Variants in TMEM131 observed in about 807,000 individuals in gnomAD.
The protein encoded by TMEM131 is 2610524E03Rik.
In TMEM131, 66 loss-of-function variants were observed where a neutral mutation model predicts 211.6. That is an observed-to-expected ratio of 0.31 (90% CI 0.26 to 0.38). The LOEUF (loss-of-function observed/expected upper bound fraction) is 0.38, where lower values mean the gene tolerates loss of function less well. Among genes scored for constraint, TMEM131 ranks in the 10% least tolerant of loss-of-function variants. The pLI is 1.00. For missense variants in TMEM131, 2,036 were observed against 2,299.3 expected, an observed-to-expected ratio of 0.89 and a Z score of 2.34; for synonymous variants, 844 against 841.3, an observed-to-expected ratio of 1.00 and a Z score of -0.06.
At chr2:97,841,625 CCAAAATTCAGACTGCT>C (rs1559394458) in intron 7 of TMEM131, among the ~76,000 whole-genome samples, 174 bp downstream of exon 7, 1 of 11,950 alleles carries the variant, frequency 8.4e-5, no homozygotes, top group Admixed American at 3.8e-4. Context: ...CTGCTGTATT[CCAAAATTCAGACTGCT>C]GTATTCCAAA....
chr2:97,925,180 AT>A (rs955114453), intron 2 of TMEM131, among the ~76,000 whole-genome samples: 2 of 151,936 alleles, frequency 1.3e-5, no homozygotes, highest in African/African-American at 2.4e-5. Context: ...CCCTGCCTCT[AT>A]TTTTTTTAAA....
intron 3 of TMEM131, chr2:97,907,024 T>C (rs1259198380): frequency 6.6e-6 from 1 of 152,160 alleles, no homozygotes. Context: ...TCTTCGTAAA[T>C]GTAGTGCAGT....
At chr2:97,920,400 T>C (rs754989707) in intron 2 of TMEM131, among the ~76,000 whole-genome samples, 22 of 152,146 alleles carry the variant, frequency 1.4e-4, no homozygotes, top group Non-Finnish European at 2.1e-4. Flanking sequence ...GACTACTAAA[T>C]AGCACTGTAT....
intron 5 of TMEM131, among the ~76,000 whole-genome samples, chr2:97,856,754 A>C (rs1673863947): frequency 6.6e-6 from 1 of 152,172 alleles, no homozygotes; most frequent in African/African-American, 2.4e-5. Flanking sequence ...TCTTCCCCCA[A>C]GAGTTCATTC....
chr2:97,949,688 C>T (rs1275047995), intron 1 of TMEM131, among the ~76,000 whole-genome samples: 8 of 151,494 alleles, frequency 5.3e-5, no homozygotes, highest in African/African-American at 1.7e-4. Flanking sequence ...GGCGTGGTGG[C>T]GGGCACCTGT....
intron 1 of TMEM131, 61 bp from the exon 2 acceptor site, chr2:97,927,548 C>CT (rs1255690699): frequency 1.5e-6 from 2 of 1,342,316 alleles, no homozygotes; most frequent in African/African-American, 1.5e-5. Flanking sequence ...TTCATAACAT[C>CT]TTTGACTTTA....
At chr2:97,827,562 C>T in intron 11 of TMEM131, 1 of 910,382 alleles carries the variant, frequency 1.1e-6, no homozygotes, top group Non-Finnish European at 1.9e-6. Flanking sequence ...AACCATATAC[C>T]ATGTCTTATC....
chr2:97,943,381 C>T (rs1677890894), intron 1 of TMEM131, among the ~76,000 whole-genome samples: 1 of 152,132 alleles, frequency 6.6e-6, no homozygotes, highest in South Asian at 2.1e-4. Flanking sequence ...TACAGATGTT[C>T]TTATGAATGT....
chr2:97,919,832 A>G (rs1676668035), intron 2 of TMEM131, among the ~76,000 whole-genome samples: 1 of 152,186 alleles, frequency 6.6e-6, no homozygotes. Context: ...AGCCTCCCAA[A>G]GTACTGGGAT....
rs371238260 is a variant in TMEM131 at position 97,924,037 on chromosome 2, G to A, written c.249+3389C>T. Among the ~76,000 whole-genome samples the A allele has an allele frequency of 1.7e-4, 26 of 151,904 alleles. No homozygotes were observed. The South Asian group carries it at 5.0e-3, about 29-fold the overall frequency. The stretch of plus-strand genomic sequence containing the variant: ...AGAGCTTGCAGTGAGCCGAGACTGC[G>A]CCACCGCGCTCCAGCCTGGGTGACA... On this transcript the variant is annotated intron_variant, in intron 2 of 40. Transcript: ENST00000186436.
Position 97,794,000 on chromosome 2 carries a change from AAAAAAAAAAAAAAAAC to A in TMEM131, c.3387-463_3387-448del, listed in dbSNP as rs1212828696. ...CAGAGCGAGACTCTGTCTCAAAAAAAAAAAAAAAAAAAAAACAAAAAACCCACAGTTTTATGGATAA... is the reference window on the plus strand; with the variant it reads ...CAGAGCGAGACTCTGTCTCAAAAAAAAAAAAACCCACAGTTTTATGGATAA... On this transcript the variant is annotated intron_variant, in intron 29 of 40. Coordinates refer to ENST00000186436, the MANE Select transcript of TMEM131 (RefSeq NM_015348.2). 2.0e-5 allele frequency among the ~76,000 whole-genome samples: 3 copies of A among 149,078 alleles called. No individual in the cohort carries two copies. In the East Asian group the frequency reaches 5.9e-4, roughly 29 times the overall value.
chr2:97,814,363 T>C lies in TMEM131; in HGVS notation c.1318A>G (p.Thr440Ala). 1 of 1,610,630 alleles carries C rather than the reference T, an allele frequency of 6.2e-7. No individual in the cohort carries two copies. Among genetic ancestry groups the C allele is most frequent in the Non-Finnish European group, 8.5e-7 (1 of 1,178,498 alleles). ...GGGCTGTCTCGGATGTGAAATAATG[T>C]TGCAGCATGATCAAATCCCAAATAA... Reference protein sequence around the residue: ...DGYLGFDHAATLFHIRDSPAD... With the variant: ...DGYLGFDHAAALFHIRDSPAD... Residue 440 changes from threonine to alanine, a missense_variant, in exon 14 of 41, where the codon ACA (threonine) becomes GCA (alanine). Around this residue, in one of 3 missense-constraint regions of TMEM131, gnomAD observed 1,623 missense variants for 1,805.9 expected, o/e 0.90. Transcript: ENST00000186436.
At chr2:97,887,989 A>T in intron 4 of TMEM131, 63 bp downstream of exon 4, 1 of 1,296,840 alleles carries the variant, frequency 7.7e-7, no homozygotes, top group Non-Finnish European at 1.1e-6. Context: ...AGACAAGACA[A>T]ATGCATGTAA....
At chr2:97,902,300 G>A (rs898848162) in intron 3 of TMEM131, among the ~76,000 whole-genome samples, 3 of 152,020 alleles carry the variant, frequency 2.0e-5, no homozygotes, top group African/African-American at 4.8e-5. Context: ...TCTAAACACC[G>A]TACTCTTTTT....
Position 97,832,004 on chromosome 2 carries a change from C to CAAAAAAAAAA in TMEM131, c.1074+1351_1074+1360dup, listed in dbSNP as rs770432398. ...TTTTTATAGTTGTGTAAGTCACTTC[C>CAAAAAAAAAA]AAAAAAAAAAAAAAAAAAAAAAGCA... On this transcript the variant is annotated intron_variant, in intron 11 of 40. Transcript: ENST00000186436. Among the ~76,000 whole-genome samples, 144 of 60,250 alleles carry CAAAAAAAAAA rather than the reference C, an allele frequency of 2.4e-3. 12 individuals are homozygous for CAAAAAAAAAA. Among genetic ancestry groups the CAAAAAAAAAA allele is most frequent in the Non-Finnish European group, 2.8e-3 (98 of 34,728 alleles). The allele number at this position is 60,250 out of a possible 152,430, so 39.5% of individuals were successfully genotyped here. A position where few individuals can be genotyped will look rare whatever the true frequency, so the allele number is the denominator to read the frequency against.
chr2:97,973,187 GAAT>G (rs1394753201), intron 1 of TMEM131, among the ~76,000 whole-genome samples: 2 of 152,104 alleles, frequency 1.3e-5, no homozygotes, highest in African/African-American at 4.8e-5. Context: ...AGAGGTTTAG[GAAT>G]AACATCTGAA....
chr2:97,827,287 A>G, intron 11 of TMEM131: 2 of 784,202 alleles, frequency 2.6e-6, no homozygotes. Context: ...AGCCGCTGCC[A>G]AGGAAGAGCC....
At chr2:97,964,214 C>A (rs971890595) in intron 1 of TMEM131, among the ~76,000 whole-genome samples, 1 of 152,190 alleles carries the variant, frequency 6.6e-6, no homozygotes, top group Non-Finnish European at 1.5e-5. Flanking sequence ...GAGACCACCA[C>A]CTACAAGGTC....
intron 25 of TMEM131, among the ~76,000 whole-genome samples, chr2:97,800,427 A>G (rs1680973398): frequency 1.3e-5 from 2 of 152,108 alleles, no homozygotes; most frequent in African/African-American, 4.8e-5. Flanking sequence ...TAGCTCACTT[A>G]ATACTTATGT....
Sources: allele counts gnomAD v4.1 joint callset (sites outside exome capture counted in the v4.1 genomes callset), GRCh38; gene constraint gnomAD v4.1.1; regional missense constraint gnomAD v4.1.1; transcripts MANE v1.5; gene names NCBI Gene and HGNC (gene_info 2026-07-23, HGNC 2026-07-21).